The following PARD3 variants were observed in gnomAD, a reference collection of about 807,000 sequenced individuals.
PARD3 encodes the protein par-3 family cell polarity regulator.
Under a neutral mutation model 155.4 loss-of-function variants are expected in PARD3, and 75 were observed. The observed-to-expected ratio is 0.48, with a 90% CI of 0.40 to 0.58. PARD3 has a LOEUF of 0.58. Among genes scored for constraint, PARD3 ranks in the 20% least tolerant of loss-of-function variants. The pLI is 0.00. For missense variants in PARD3, 1,642 were observed against 1,721.7 expected (o/e 0.95, Z 0.82); for synonymous variants, 576 against 610.5 (o/e 0.94, Z 0.83).
At chr10:34,516,079 T>C (rs376658987) in intron 3 of PARD3, among the ~76,000 whole-genome samples, 16 of 152,146 alleles carry the variant, frequency 1.1e-4, no homozygotes, top group South Asian at 6.2e-4. Flanking sequence ...ATTCTCCTGT[T>C]TCAGCCTCCC....
chr10:34,120,765 G>A (rs1478002118), intron 23 of PARD3, among the ~76,000 whole-genome samples: 1 of 152,152 alleles, frequency 6.6e-6, no homozygotes, highest in Non-Finnish European at 1.5e-5. Flanking sequence ...ATTAGGAAAT[G>A]GCAATTTACC....
intron 2 of PARD3, among the ~76,000 whole-genome samples, chr10:34,645,077 T>C (rs2092794940): frequency 6.6e-6 from 1 of 152,182 alleles, no homozygotes; most frequent in African/African-American, 2.4e-5. Context: ...GGTCTCAAAC[T>C]CCTGGCCTCA....
chr10:34,205,452 A>G (rs1481242916), intron 22 of PARD3, among the ~76,000 whole-genome samples: 1 of 152,192 alleles, frequency 6.6e-6, no homozygotes, highest in Non-Finnish European at 1.5e-5. Flanking sequence ...CAGTGTTTTT[A>G]AAAAATTATT....
intron 22 of PARD3, among the ~76,000 whole-genome samples, chr10:34,179,828 G>A (rs1330745068): frequency 6.6e-6 from 1 of 152,146 alleles, no homozygotes; most frequent in Non-Finnish European, 1.5e-5. Flanking sequence ...TCTCAACCAT[G>A]TCCTTTAGGA....
At chr10:34,494,597 G>A (rs2080147332) in intron 3 of PARD3, among the ~76,000 whole-genome samples, 2 of 149,074 alleles carry the variant, frequency 1.3e-5, no homozygotes, top group Non-Finnish European at 2.9e-5. Flanking sequence ...ACATAGCCCT[G>A]TTAGGAAAAT....
chr10:34,255,710 G>A (rs144352892), intron 22 of PARD3, among the ~76,000 whole-genome samples: 1 of 152,246 alleles, frequency 6.6e-6, no homozygotes, highest in Non-Finnish European at 1.5e-5. Flanking sequence ...CATGGAAGAC[G>A]ACAAACTCTT....
intron 1 of PARD3, among the ~76,000 whole-genome samples, chr10:34,747,394 C>T (rs899810678): frequency 6.6e-6 from 1 of 152,080 alleles, no homozygotes; most frequent in Non-Finnish European, 1.5e-5. Context: ...CCAAACCACA[C>T]AAGGTTATGT....
intron 2 of PARD3, among the ~76,000 whole-genome samples, chr10:34,547,635 T>C (rs1261004162): frequency 6.6e-6 from 1 of 152,180 alleles, no homozygotes; most frequent in Non-Finnish European, 1.5e-5. Context: ...GAGTTCCCGA[T>C]AGGACAGGTT....
intron 10 of PARD3, among the ~76,000 whole-genome samples, chr10:34,377,487 G>T (rs558326567): frequency 6.6e-6 from 1 of 152,304 alleles, no homozygotes; most frequent in African/African-American, 2.4e-5. Flanking sequence ...CTACCAGGGG[G>T]GCTGAGGCAG....
chr10:34,655,156 CTG>C (rs1483578663), intron 2 of PARD3, among the ~76,000 whole-genome samples: 1 of 151,458 alleles, frequency 6.6e-6, no homozygotes. Context: ...GCAATCCTAC[CTG>C]TGTTATAGTT....
At chr10:34,713,309 A>G (rs2094473577) in intron 1 of PARD3, among the ~76,000 whole-genome samples, 1 of 152,172 alleles carries the variant, frequency 6.6e-6, no homozygotes, top group Admixed American at 6.5e-5. Context: ...AGAAAAAAAA[A>G]TGGAATAGTG....
intron 1 of PARD3, among the ~76,000 whole-genome samples, chr10:34,719,491 A>C (rs1190767715): frequency 1.3e-5 from 2 of 152,216 alleles, no homozygotes; most frequent in Non-Finnish European, 1.5e-5. Flanking sequence ...CCTGTTTATC[A>C]AAAGACTAAA....
intron 2 of PARD3, among the ~76,000 whole-genome samples, chr10:34,539,828 A>G (rs776197427): frequency 6.6e-6 from 1 of 152,222 alleles, no homozygotes; most frequent in African/African-American, 2.4e-5. Context: ...TTCCTGAAAT[A>G]GGCCAGGGCG....
chr10:34,192,558 A>C (rs2133273840), intron 22 of PARD3, among the ~76,000 whole-genome samples: 1 of 152,262 alleles, frequency 6.6e-6, no homozygotes, highest in Admixed American at 6.5e-5. Flanking sequence ...CTACTTAAAC[A>C]ATAGGCTTCT....
At position 34,334,615 on chromosome 10, in the gene PARD3, A is replaced by G. The variant is rs374785989; in HGVS notation, c.2605+1584T>C. ...GGGACAGGGAAATAATAAAATATCT[A>G]CTTTAGGTATTTTATTCATTTAGAT... On this transcript the variant is annotated intron_variant, in intron 18 of 24. Transcript: ENST00000374788. Among the ~76,000 whole-genome samples, 262 of 151,802 alleles carry G rather than the reference A, an allele frequency of 1.7e-3. 3 individuals are homozygous for G. Among genetic ancestry groups the G allele is most frequent in the African/African-American group, 6.0e-3 (251 of 41,508 alleles).
At chr10:34,810,340 T>TTA (rs773053092) in intron 1 of PARD3, among the ~76,000 whole-genome samples, 23 of 152,168 alleles carry the variant, frequency 1.5e-4, no homozygotes, top group Middle Eastern at 3.2e-3. Context: ...ACCTATCTCA[T>TTA]TATATATACA....
chr10:34,759,563 C>G (rs1432410029), intron 1 of PARD3, among the ~76,000 whole-genome samples: 1 of 152,088 alleles, frequency 6.6e-6, no homozygotes, highest in Non-Finnish European at 1.5e-5. Flanking sequence ...TCAAACATTC[C>G]GATTTTAAGC....
intron 22 of PARD3, among the ~76,000 whole-genome samples, chr10:34,180,672 A>C (rs1295771): frequency 6.6e-6 from 1 of 151,930 alleles, no homozygotes; most frequent in African/African-American, 2.4e-5. Context: ...AACTTGGAAA[A>C]AGCTAGACTA....
chr10:34,555,279 TA>T (rs940803632), intron 2 of PARD3, among the ~76,000 whole-genome samples: 1 of 152,152 alleles, frequency 6.6e-6, no homozygotes, highest in Non-Finnish European at 1.5e-5. Flanking sequence ...AACATTGCTC[TA>T]AAAAATAAAG....
Sources: allele counts gnomAD v4.1 joint callset (sites outside exome capture counted in the v4.1 genomes callset), GRCh38; gene constraint gnomAD v4.1.1; transcripts MANE v1.5; gene names NCBI Gene and HGNC (gene_info 2026-07-23, HGNC 2026-07-21).